Variants in UBA6 observed in about 807,000 individuals in gnomAD.
The protein encoded by UBA6 is ubiquitin-like modifier-activating enzyme 6.
A neutral mutation model predicts 148.3 loss-of-function variants in UBA6; 87 were observed. That is an observed-to-expected ratio of 0.59 (90% CI 0.49 to 0.70). The LOEUF (loss-of-function observed/expected upper bound fraction) is 0.70, where lower values mean the gene tolerates loss of function less well. UBA6 is among the 30% of genes least tolerant of loss of function. UBA6 has a pLI of 0.00. For missense variants in UBA6, 1,186 were observed against 1,241.2 expected, an observed-to-expected ratio of 0.96 and a Z score of 0.67; for synonymous variants, 376 against 401.0, an observed-to-expected ratio of 0.94 and a Z score of 0.75.
At chr4:67,663,301 T>A (rs1729910253) in intron 11 of UBA6, 86 bp from the exon 12 acceptor site, 1 of 825,416 alleles carries the variant, frequency 1.2e-6, no homozygotes, top group Non-Finnish European at 2.0e-6. Flanking sequence ...AAACATTATT[T>A]AACCATCATA....
rs770225167 is a variant in UBA6, at chr4:67,662,258, A to G, written c.1038-3T>C. On this transcript the variant is annotated splice_polypyrimidine_tract_variant and splice_region_variant and intron_variant, in intron 12 of 32. Transcript: ENST00000322244. Reference sequence around the variant, plus strand: ...GTTCTTCTGAATCTTGTTGGCATCTACAACTCAAAACAGAACACCCTAACT... The same window carrying G: ...GTTCTTCTGAATCTTGTTGGCATCTGCAACTCAAAACAGAACACCCTAACT... The G allele has an allele frequency of 1.5e-5, 25 of 1,612,984 alleles. 1 individual carries two copies. The South Asian group carries it at 2.6e-4, about 17-fold the overall frequency.
intron 6 of UBA6, among the ~76,000 whole-genome samples, chr4:67,674,067 C>G (rs10518040): frequency 0.12 from 18,544 of 152,212 alleles, 1,286 homozygotes; most frequent in South Asian, 0.21. Flanking sequence ...TTTATGGACT[C>G]TAAGTGATTA....
intron 2 of UBA6, among the ~76,000 whole-genome samples, chr4:67,689,214 T>C (rs1214461904): frequency 1.3e-5 from 2 of 152,156 alleles, no homozygotes; most frequent in Non-Finnish European, 2.9e-5. Context: ...ATATCTAAGA[T>C]ACGCTAGGCT....
In UBA6 at chr4:67,618,849, G is replaced by A; in HGVS notation, c.*148C>T. 1.3e-6 allele frequency: 1 copy of A among 756,080 alleles called. No homozygotes were observed. The allele number at this position is 756,080 out of a possible 1,614,324, so 46.8% of individuals were successfully genotyped here. On this transcript the variant is annotated 3_prime_UTR_variant, in exon 33 of 33. Coordinates refer to ENST00000322244, the MANE Select transcript of UBA6 (RefSeq NM_018227.6). ...CCCCAAAATGTTTTATAATTCTTCA[G>A]TGCAGTTTCTTACTGATGTTTCCCT...
intron 1 of UBA6, 108 bp downstream of exon 1, chr4:67,700,941 G>T: frequency 1.4e-6 from 2 of 1,398,768 alleles, no homozygotes; most frequent in Non-Finnish European, 2.0e-6. Flanking sequence ...GCTCTGCTCG[G>T]CCCCGCGGCC....
intron 2 of UBA6, among the ~76,000 whole-genome samples, chr4:67,684,873 A>G (rs1730521111): frequency 6.6e-6 from 1 of 152,218 alleles, no homozygotes; most frequent in African/African-American, 2.4e-5. Flanking sequence ...TACTTGTATT[A>G]ACTCATTTAT....
chr4:67,680,640 A>T (rs1003154279), intron 4 of UBA6, among the ~76,000 whole-genome samples: 1 of 152,232 alleles, frequency 6.6e-6, no homozygotes, highest in African/African-American at 2.4e-5. Context: ...TGTGGTAGAC[A>T]GGCTTTTAAG....
intron 11 of UBA6, chr4:67,663,625 T>C (rs561485178): frequency 1.7e-5 from 8 of 475,060 alleles, no homozygotes; most frequent in African/African-American, 1.6e-4. Flanking sequence ...GAAATCGTCT[T>C]ATAATTATCA....
chr4:67,681,845 C>T (rs534259594), intron 3 of UBA6, among the ~76,000 whole-genome samples: 1 of 152,172 alleles, frequency 6.6e-6, no homozygotes, highest in African/African-American at 2.4e-5. Flanking sequence ...TTTATGAATA[C>T]AGTATATGTA....
rs112583692 is a variant in UBA6, at chr4:67,676,250, C to G, written c.465+1361G>C. ...TGTTGGTCAGGCTGGTCTCGAACTC[C>G]TGACCTTAGGTGATCCGCCCACCTC... On this transcript the variant is annotated intron_variant, in intron 6 of 32. Coordinates refer to ENST00000322244, the MANE Select transcript of UBA6 (RefSeq NM_018227.6). Among the ~76,000 whole-genome samples, 91 of 152,220 alleles carry G rather than the reference C, an allele frequency of 6.0e-4. 1 individual carries two copies. Among genetic ancestry groups the G allele is most frequent in the African/African-American group, 1.9e-3 (80 of 41,536 alleles).
At chr4:67,656,365 G>A (rs1335456532) in intron 13 of UBA6, among the ~76,000 whole-genome samples, 1 of 152,200 alleles carries the variant, frequency 6.6e-6, no homozygotes, top group African/African-American at 2.4e-5. Flanking sequence ...GGGATGCAAG[G>A]CTGGTTCAAC....
At chr4:67,661,073 T>C (rs558166670) in intron 13 of UBA6, among the ~76,000 whole-genome samples, 1 of 152,314 alleles carries the variant, frequency 6.6e-6, no homozygotes, top group South Asian at 2.1e-4. Flanking sequence ...TCACTGTATC[T>C]AGGAAGTAAC....
chr4:67,678,283 A>T (rs575152653), intron 5 of UBA6, 156 bp downstream of exon 5: 5 of 358,936 alleles, frequency 1.4e-5, no homozygotes, highest in East Asian at 8.7e-5. Context: ...TAAATGAGTT[A>T]AAAAAAAACT....
intron 10 of UBA6, 77 bp from the exon 11 acceptor site, chr4:67,664,024 C>T (rs75235695): frequency 0.017 from 19,599 of 1,156,948 alleles, 381 homozygotes; most frequent in African/African-American, 0.087. Context: ...CATGTCAGTG[C>T]GCTAAAAACT....
intron 4 of UBA6, 61 bp downstream of exon 4, chr4:67,681,502 T>G: frequency 8.6e-7 from 1 of 1,158,774 alleles, no homozygotes; most frequent in Non-Finnish European, 1.2e-6. Context: ...AATATTACCA[T>G]AACAAATGAG....
rs150137693 is a variant in UBA6 at position 67,628,125 on chromosome 4, G to C, written c.2400+946C>G. 4.8e-3 allele frequency among the ~76,000 whole-genome samples: 722 copies of C among 151,694 alleles called. 4 individuals are homozygous for C. The highest frequency in any genetic ancestry group is 0.015 in the African/African-American group (627 of 41,428). On this transcript the variant is annotated intron_variant, in intron 27 of 32. Coordinates refer to ENST00000322244, the MANE Select transcript of UBA6 (RefSeq NM_018227.6). The stretch of plus-strand genomic sequence containing the variant: ...CAGATTAACATTAAGTGGATCTTCA[G>C]TATTGTCTTGCGTTTTACTACATCT...
chr4:67,699,556 C>CAATA (rs10633615), intron 1 of UBA6, among the ~76,000 whole-genome samples: 3,054 of 152,042 alleles, frequency 0.02, 72 homozygotes, highest in East Asian at 0.1. Context: ...ACACAATATA[C>CAATA]CCTGTTTGGG....
intron 1 of UBA6, among the ~76,000 whole-genome samples, chr4:67,698,729 G>A (rs750051017): frequency 6.6e-6 from 1 of 152,218 alleles, no homozygotes; most frequent in African/African-American, 2.4e-5. Flanking sequence ...GGAGGCCAAG[G>A]CAGGCGGACC....
chr4:67,670,395 TACC>T, intron 8 of UBA6, 72 bp downstream of exon 8: 1 of 1,347,706 alleles, frequency 7.4e-7, no homozygotes, highest in East Asian at 2.3e-5. Flanking sequence ...ACTTTGCTGA[TACC>T]ACCTTTCTGA....
Sources: gnomAD v4.1 joint callset for allele counts (sites outside exome capture counted in the v4.1 genomes callset) on GRCh38, gnomAD v4.1.1 for gene constraint, MANE v1.5 for transcripts, NCBI Gene and HGNC (gene_info 2026-07-23, HGNC 2026-07-21) for gene names.